The following MAN2B1 variants were observed in gnomAD, a reference collection of about 807,000 sequenced individuals.
MAN2B1 encodes the protein lysosomal alpha-mannosidase.
In MAN2B1, 99 loss-of-function variants were observed where a neutral mutation model predicts 127.5. The observed-to-expected ratio is 0.78, with a 90% CI of 0.66 to 0.92. MAN2B1 has a LOEUF of 0.92. MAN2B1 is among the 40% of genes least tolerant of loss of function. MAN2B1 has a pLI of 0.00. For missense variants in MAN2B1, 1,304 were observed against 1,384.8 expected (o/e 0.94, Z 0.93); for synonymous variants, 573 against 568.8 (o/e 1.01, Z -0.11).
chr19:12,646,826 C>A, intron 23 of MAN2B1, 94 bp from the exon 24 acceptor site: 1 of 875,886 alleles, frequency 1.1e-6, no homozygotes, highest in Non-Finnish European at 1.9e-6. Context: ...GACACAGCTG[C>A]ATATCCCCGA....
At chr19:12,658,372 G>A (rs1490526777) in intron 8 of MAN2B1, 28 bp from the exon 9 acceptor site, 2 of 1,614,078 alleles carry the variant, frequency 1.2e-6, no homozygotes, top group Non-Finnish European at 1.7e-6. Context: ...TTGAGGGCAG[G>A]GTCATGACCC....
intron 1 of MAN2B1, 69 bp downstream of exon 1, chr19:12,666,474 C>A: frequency 6.5e-7 from 1 of 1,533,118 alleles, no homozygotes; most frequent in Non-Finnish European, 8.8e-7. Context: ...CAGACCCACC[C>A]ACACCTCTAG....
intron 7 of MAN2B1, among the ~76,000 whole-genome samples, chr19:12,659,816 T>C (rs1026000985): frequency 6.0e-5 from 9 of 150,482 alleles, no homozygotes; most frequent in Non-Finnish European, 1.2e-4. Flanking sequence ...AAGACTCTTG[T>C]CTCAATAAAT....
At position 12,658,329 on chromosome 19, in the gene MAN2B1, G is replaced by A. The variant is rs146715588; in HGVS notation, c.1125C>T (p.Asp375=). Residue 375 remains aspartate (D), a synonymous_variant, in exon 9 of 24, where the codon GAC becomes GAT. Transcript: ENST00000456935. The part of the protein sequence containing the change: ...KANLTWSVKH[D]DFFPYADGPH... ...GGCCATCCGCGTAAGGGAAGAAGTC[G>A]TCATGTTTCACTGACCTACAGCGGC... The A allele has an allele frequency of 4.3e-6, 7 of 1,614,084 alleles. No individual in the cohort carries two copies. The African/African-American group carries it at 5.3e-5, about 12-fold the overall frequency.
chr19:12,665,366 T>C lies in MAN2B1; in HGVS notation c.422A>G (p.Asp141Gly). The C allele has an allele frequency of 1.2e-6, 2 of 1,607,278 alleles. No homozygotes were observed. Among genetic ancestry groups the C allele is most frequent in the Non-Finnish European group, 1.7e-6 (2 of 1,179,984 alleles). The change falls in exon 3 of 24, where the codon GAC (aspartate) becomes GGC (glycine). Residue 141 changes from aspartate (D) to glycine (G), a missense_variant. Coordinates refer to ENST00000456935, the MANE Select transcript of MAN2B1 (RefSeq NM_000528.4). The part of the protein sequence containing the change: ...QTNATQEVVR[D>G]LVRQGRLEFA... ...GGTAGGCTCACCCTGGCGCACAAGGTCTCGCACGACTTCCTGTGTGGCATT... is the reference window on the plus strand; with the variant it reads ...GGTAGGCTCACCCTGGCGCACAAGGCCTCGCACGACTTCCTGTGTGGCATT...
At chr19:12,661,972 G>A (rs748581360) in intron 6 of MAN2B1, among the ~76,000 whole-genome samples, 65 of 152,166 alleles carry the variant, frequency 4.3e-4, no homozygotes, top group Non-Finnish European at 7.6e-4. Flanking sequence ...AGCCTCCCAA[G>A]TAGCTGGGAT....
intron 14 of MAN2B1, among the ~76,000 whole-genome samples, chr19:12,654,319 G>A (rs1248779892): frequency 6.6e-6 from 1 of 152,124 alleles, no homozygotes; most frequent in Non-Finnish European, 1.5e-5. Flanking sequence ...TGGGATTACA[G>A]GTGTGAGCCA....
chr19:12,647,235 G>T lies in MAN2B1; in HGVS notation c.2921C>A (p.Thr974Lys). The T allele has an allele frequency of 6.2e-7, 1 of 1,613,370 alleles. No homozygotes were observed. The highest frequency in any genetic ancestry group is 8.5e-7 in the Non-Finnish European group (1 of 1,179,388). ...CCTACCCCTGACCAGGGCCCCACCTGTGTTTGTTGTCCACTTGAGCCTGGA... is the reference window on the plus strand; with the variant it reads ...CCTACCCCTGACCAGGGCCCCACCTTTGTTTGTTGTCCACTTGAGCCTGGA... ...AASRLKWTTN[T>K]GPTPHQTPYQ... Residue 974 changes from threonine (T) to lysine (K), a missense_variant and splice_region_variant, in exon 23 of 24, where the codon ACA becomes AAA. Transcript: ENST00000456935. The surrounding 1 kb of genome is among the most constrained non-coding windows in gnomAD (Gnocchi z 4.9).
At chr19:12,648,088 C>T in intron 21 of MAN2B1, 87 bp downstream of exon 21, 1 of 1,335,494 alleles carries the variant, frequency 7.5e-7, no homozygotes, top group Non-Finnish European at 1.0e-6. Context: ...AAATGGATCC[C>T]CGCTGAGCCT....
At chr19:12,665,020 C>G (rs1352822394) in intron 3 of MAN2B1, 35 bp from the exon 4 acceptor site, 1 of 1,597,542 alleles carries the variant, frequency 6.3e-7, no homozygotes, top group Non-Finnish European at 8.6e-7. Flanking sequence ...GGTCAGCGGT[C>G]AGAGCCAGGA....
rs1183097697 is a variant in MAN2B1 at position 12,655,807 on chromosome 19, G to C, written c.1717C>G (p.Leu573Val). Residue 573 changes from leucine to valine, a missense_variant, in exon 14 of 24, where the codon CTG becomes GTG. Coordinates refer to ENST00000456935, the MANE Select transcript of MAN2B1 (RefSeq NM_000528.4). ...GCTACTGAATAGGTGCTGAAGCCCA[G>C]GGCGGGCAGTGAGGCTGAGAACAGC... ...ELLFSASLPA[L>V]GFSTYSVAQV... 6.2e-7 allele frequency: 1 copy of C among 1,613,338 alleles called. No homozygotes were observed. The highest frequency in any genetic ancestry group is 1.7e-5 in the Admixed American group (1 of 59,972).
chr19:12,655,648 C>T, intron 14 of MAN2B1, 46 bp downstream of exon 14: 1 of 1,583,260 alleles, frequency 6.3e-7, no homozygotes, highest in Non-Finnish European at 8.6e-7. Context: ...CATGACACTT[C>T]AAATTTGTCA....
chr19:12,647,478 G>C lies in MAN2B1; in HGVS notation c.2785C>G (p.Arg929Gly), dbSNP rs142248782. ...HQFAVGEDSG[R>G]NLSAPVTLNL... ...AAGGTAACGGGGGCGCTCAGGTTAC[G>C]TCCGGAATCCTCTCCTACGGCAAAC... Residue 929 changes from arginine to glycine, a missense_variant, in exon 22 of 24, where the codon CGT becomes GGT. Transcript: ENST00000456935. The surrounding 1 kb of genome is among the most constrained non-coding windows in gnomAD (Gnocchi z 4.9). The C allele has an allele frequency of 5.0e-6, 8 of 1,614,082 alleles. No individual in the cohort carries two copies. Among genetic ancestry groups the C allele is most frequent in the Non-Finnish European group, 5.9e-6 (7 of 1,180,048 alleles).
At position 12,647,666 on chromosome 19, in the gene MAN2B1, C is replaced by G; in HGVS notation, c.2665-68G>C. On this transcript the variant is annotated intron_variant, in intron 21 of 23. Coordinates refer to ENST00000456935, the MANE Select transcript of MAN2B1 (RefSeq NM_000528.4). This position sits in a 1 kb window ranked among gnomAD's most constrained non-coding sequence, Gnocchi z 4.9. Reference sequence around the variant, plus strand: ...CTGGATGGAGAAGGGCGGGGCCGAGCCAGGTCAGGAGGCAGGGCTAGGTTG... The same window carrying G: ...CTGGATGGAGAAGGGCGGGGCCGAGGCAGGTCAGGAGGCAGGGCTAGGTTG... 1 of 1,431,774 alleles carries G rather than the reference C, an allele frequency of 7.0e-7. No individual in the cohort carries two copies. The highest frequency in any genetic ancestry group is 9.5e-7 in the Non-Finnish European group (1 of 1,049,306). The allele number at this position is 1,431,774 out of a possible 1,614,324, so 88.7% of individuals were successfully genotyped here. A position where few individuals can be genotyped will look rare whatever the true frequency, so the allele number is the denominator to read the frequency against.
chr19:12,657,355 G>T, intron 11 of MAN2B1, 91 bp downstream of exon 11: 1 of 1,122,884 alleles, frequency 8.9e-7, no homozygotes. Flanking sequence ...TCTCGGCTAC[G>T]CCTCACACCT....
chr19:12,656,409 G>A lies in MAN2B1; in HGVS notation c.1644+162C>T, dbSNP rs2023959050. 7 of 641,696 alleles carry A rather than the reference G, an allele frequency of 1.1e-5. No individual in the cohort carries two copies. The Admixed American group carries it at 1.7e-4, about 16-fold the overall frequency. 39.8% of individuals were successfully genotyped at this position (641,696 alleles called of 1,614,324 possible). A position where few individuals can be genotyped will look rare whatever the true frequency, so the allele number is the denominator to read the frequency against. Reference sequence around the variant, plus strand: ...TCACAGGAGGCATATGTTCCCAAGGGGAGACTGATATTAAGGGGCAGAGGG... The same window carrying A: ...TCACAGGAGGCATATGTTCCCAAGGAGAGACTGATATTAAGGGGCAGAGGG... On this transcript the variant is annotated intron_variant, in intron 13 of 23. Transcript: ENST00000456935.
chr19:12,652,618 A>G (rs4804205), intron 14 of MAN2B1, among the ~76,000 whole-genome samples, 158 bp from the exon 15 acceptor site: 2 of 143,622 alleles, frequency 1.4e-5, no homozygotes, highest in South Asian at 2.2e-4. Context: ...TGCACCCCCC[A>G]CCTCCCGGGT....
chr19:12,666,643 C>T lies in MAN2B1; in HGVS notation c.59G>A (p.Gly20Asp), dbSNP rs1220611493. The change falls in exon 1 of 24, where the codon GGC becomes GAC. Residue 20 changes from glycine (G) to aspartate (D), a missense_variant. By Grantham distance (94) the Gly-to-Asp change is moderately conservative. Transcript: ENST00000456935. ...VCARGCLDSA[G>D]PWTMSRALRP... is the part of the protein sequence containing the mutation. ...CAGGGCGCGGGACATGGTCCAGGGG[C>T]CTGCTGAGTCCAGGCAGCCGCGAGC... The T allele has an allele frequency of 1.3e-6, 2 of 1,553,718 alleles. No homozygotes were observed. The highest frequency in any genetic ancestry group is 2.4e-5 in the South Asian group (2 of 84,440).
rs745974822 is a variant in MAN2B1 at position 12,652,479 on chromosome 19, A to T, written c.1831-19T>A. On this transcript the variant is annotated intron_variant, in intron 14 of 23. Transcript: ENST00000456935. ...GGATGTGCTGGGCAGAAAAGGGTCC[A>T]CAGATGGGTTTGTGTGTGTATGTGT... is the stretch of plus-strand genomic sequence containing the variant. 6.3e-7 allele frequency: 1 copy of T among 1,578,100 alleles called. No homozygotes were observed. Among genetic ancestry groups the T allele is most frequent in the South Asian group, 1.1e-5 (1 of 90,324 alleles).
Sources: gnomAD v4.1 joint callset for allele counts (sites outside exome capture counted in the v4.1 genomes callset) on GRCh38, gnomAD v4.1.1 for gene constraint, Gnocchi (gnomAD v3.1) non-coding constraint, MANE v1.5 for transcripts, NCBI Gene and HGNC (gene_info 2026-07-23, HGNC 2026-07-21) for gene names.